OSBPL3: variants seen among roughly 807,000 people sequenced by gnomAD.
OSBPL3 encodes the protein oxysterol-binding protein-related protein 3.
In OSBPL3, 65 loss-of-function variants were observed where a neutral mutation model predicts 120.1. The ratio of observed to expected loss-of-function variants is 0.54; its 90% CI spans 0.44 to 0.67. The LOEUF (loss-of-function observed/expected upper bound fraction) is 0.67, where lower values mean the gene tolerates loss of function less well. Ranked by LOEUF, OSBPL3 falls within the 30% of genes least tolerant of loss-of-function variation. OSBPL3 has a pLI of 0.00. For synonymous variants in OSBPL3, 416 were observed against 402.6 expected (o/e 1.03, Z -0.40); for missense variants, 1,004 against 1,082.1 (o/e 0.93, Z 1.01).
rs1052469153 is a variant in OSBPL3 at position 24,937,287 on chromosome 7, C to G, written c.-150+42599G>C. On this transcript the variant is annotated intron_variant, in intron 1 of 22. Transcript: ENST00000313367. This position sits in a 1 kb window ranked among gnomAD's most constrained non-coding sequence, Gnocchi z 4.0. Reference sequence around the variant, plus strand: ...CTCCCACCAGGTCCCTCCCACAACACGTGGGGATTATGGGAACTACAATTC... The same window carrying G: ...CTCCCACCAGGTCCCTCCCACAACAGGTGGGGATTATGGGAACTACAATTC... Among the ~76,000 whole-genome samples the G allele has an allele frequency of 6.6e-6, 1 of 152,168 alleles. No homozygotes were observed. Among genetic ancestry groups the G allele is most frequent in the Non-Finnish European group, 1.5e-5 (1 of 68,024 alleles).
intron 1 of OSBPL3, among the ~76,000 whole-genome samples, chr7:24,925,266 G>A (rs945609038): frequency 2.0e-5 from 3 of 152,174 alleles, no homozygotes; most frequent in African/African-American, 7.2e-5. Flanking sequence ...TGTAGAGGGT[G>A]GGTGGTTAGC....
At chr7:24,840,919 T>C (rs1213717637) in intron 13 of OSBPL3, 136 bp from the exon 14 acceptor site, 2 of 530,720 alleles carry the variant, frequency 3.8e-6, no homozygotes, top group Non-Finnish European at 6.5e-6. Flanking sequence ...TTCATAAAGG[T>C]CCATATACCA....
intron 5 of OSBPL3, among the ~76,000 whole-genome samples, chr7:24,869,965 T>G (rs1431792128): frequency 6.6e-6 from 1 of 152,198 alleles, no homozygotes; most frequent in Non-Finnish European, 1.5e-5. Flanking sequence ...AACATTTGGG[T>G]ACCATCCAAC....
rs1233355430 is a variant in OSBPL3, at chr7:24,932,335, G to A, written c.-149-39714C>T. ...CAAGTTTCAAGCTGTGCGCCCAGGG[G>A]TCTGAGATAGGTTAGAATGCAAGAG... On this transcript the variant is annotated intron_variant, in intron 1 of 22. Coordinates refer to ENST00000313367, the MANE Select transcript of OSBPL3 (RefSeq NM_015550.4). This position sits in a 1 kb window ranked among gnomAD's most constrained non-coding sequence, Gnocchi z 5.6. Among the ~76,000 whole-genome samples the A allele has an allele frequency of 6.6e-6, 1 of 152,120 alleles. No homozygotes were observed.
At chr7:24,974,247 C>G (rs1817334063) in intron 1 of OSBPL3, among the ~76,000 whole-genome samples, 1 of 152,174 alleles carries the variant, frequency 6.6e-6, no homozygotes, top group Non-Finnish European at 1.5e-5. Flanking sequence ...GCCTTGTTTC[C>G]TCTGTACTCC....
chr7:24,952,396 T>C lies in OSBPL3; in HGVS notation c.-150+27490A>G, dbSNP rs1814548183. On this transcript the variant is annotated intron_variant, in intron 1 of 22. Transcript: ENST00000313367. This position sits in a 1 kb window ranked among gnomAD's most constrained non-coding sequence, Gnocchi z 4.4. Reference sequence around the variant, plus strand: ...ACTAATCATATACCGGTTATCTAGGTCTCCTGACATTCAATACAATGCCCT... The same window carrying C: ...ACTAATCATATACCGGTTATCTAGGCCTCCTGACATTCAATACAATGCCCT... 6.6e-6 allele frequency among the ~76,000 whole-genome samples: 1 copy of C among 152,160 alleles called. No individual in the cohort carries two copies. The highest frequency in any genetic ancestry group is 2.1e-4 in the South Asian group (1 of 4,822).
In OSBPL3 at chr7:24,817,684, G is replaced by T. The variant is rs1037137329; in HGVS notation, c.1949-996C>A. ...CAGGAGTAGGAGAGAGGAGAAGCAA[G>T]GCGACAAGTTAAGAGGCTACTGCAA... On this transcript the variant is annotated intron_variant, in intron 17 of 22. Transcript: ENST00000313367. The surrounding 1 kb of genome is among the most constrained non-coding windows in gnomAD (Gnocchi z 4.0). Among the ~76,000 whole-genome samples the T allele has an allele frequency of 3.9e-5, 6 of 152,146 alleles. No individual in the cohort carries two copies. Among genetic ancestry groups the T allele is most frequent in the African/African-American group, 1.4e-4 (6 of 41,416 alleles).
At chr7:24,917,428 T>TATATATATATATATATATATATA (rs1562924930) in intron 1 of OSBPL3, among the ~76,000 whole-genome samples, 2 of 92,262 alleles carry the variant, frequency 2.2e-5, no homozygotes, top group African/African-American at 3.9e-5. Context: ...ATATATATAT[T>TATATATATATATATATATATATA]TGTAACATAT....
rs142530893 is a variant in OSBPL3, at chr7:24,804,506, A to T, written c.2445-69T>A. The T allele has an allele frequency of 9.2e-5, 135 of 1,460,024 alleles. No individual in the cohort carries two copies. The African/African-American group carries it at 1.8e-3, about 19-fold the overall frequency. 90.4% of individuals were successfully genotyped at this position (1,460,024 alleles called of 1,614,324 possible). A position where few individuals can be genotyped will look rare whatever the true frequency, so the allele number is the denominator to read the frequency against. On this transcript the variant is annotated intron_variant, in intron 21 of 22. Transcript: ENST00000313367. This position sits in a 1 kb window ranked among gnomAD's most constrained non-coding sequence, Gnocchi z 5.4. ...AAAACAAAACAATCATTACTACTCAACTTGCATGTGTCCACGACTGGATAT... is the reference window on the plus strand; with the variant it reads ...AAAACAAAACAATCATTACTACTCATCTTGCATGTGTCCACGACTGGATAT...
Position 24,871,888 on chromosome 7 carries a change from T to C in OSBPL3, c.213+65A>G. Reference sequence around the variant, plus strand: ...CAACTAGAAATTAAATATGAGTACCTAAGAACCAGGTGCTGAGTGGGGCAG... The same window carrying C: ...CAACTAGAAATTAAATATGAGTACCCAAGAACCAGGTGCTGAGTGGGGCAG... On this transcript the variant is annotated intron_variant, in intron 3 of 22. Transcript: ENST00000313367. This position sits in a 1 kb window ranked among gnomAD's most constrained non-coding sequence, Gnocchi z 4.8. The C allele has an allele frequency of 6.8e-7, 1 of 1,472,444 alleles. No individual in the cohort carries two copies. The highest frequency in any genetic ancestry group is 9.5e-7 in the Non-Finnish European group (1 of 1,051,270). The allele number at this position is 1,472,444 out of a possible 1,614,324, so 91.2% of individuals were successfully genotyped here. A position where few individuals can be genotyped will look rare whatever the true frequency, so the allele number is the denominator to read the frequency against.
chr7:24,838,255 G>A (rs191968954), intron 14 of OSBPL3, among the ~76,000 whole-genome samples: 4 of 152,276 alleles, frequency 2.6e-5, no homozygotes, highest in East Asian at 3.9e-4. Context: ...CAGCAATTTC[G>A]GAGGCTGAGG....
Position 24,980,116 on chromosome 7 carries a change from C to T in OSBPL3, c.-380G>A, listed in dbSNP as rs990669018. ...CGCGAAGCGCTCAAGTCCCCTCTCC[C>T]GGGCCGGCTGGCGGGCGCCACCAGC... On this transcript the variant is annotated 5_prime_UTR_variant, in exon 1 of 23. Coordinates refer to ENST00000313367, the MANE Select transcript of OSBPL3 (RefSeq NM_015550.4). 2.8e-5 allele frequency: 26 copies of T among 927,114 alleles called. No homozygotes were observed. The highest frequency in any genetic ancestry group is 9.9e-5 in the South Asian group (2 of 20,108). The allele number at this position is 927,114 out of a possible 1,614,324, so 57.4% of individuals were successfully genotyped here.
intron 14 of OSBPL3, among the ~76,000 whole-genome samples, chr7:24,838,414 T>C (rs1199234046): frequency 1.3e-5 from 2 of 152,180 alleles, no homozygotes; most frequent in Non-Finnish European, 2.9e-5. Flanking sequence ...GAGAATTGCT[T>C]GAACCCAGGA....
Position 24,831,981 on chromosome 7 carries a change from C to T in OSBPL3, c.1747-1076G>A, listed in dbSNP as rs1796423836. Among the ~76,000 whole-genome samples, 1 of 151,980 alleles carries T rather than the reference C, an allele frequency of 6.6e-6. No individual in the cohort carries two copies. The highest frequency in any genetic ancestry group is 2.1e-4 in the South Asian group (1 of 4,820). ...CTTTGGGAGACCGAGGCAGGTGGAT[C>T]TGCTTGAGCCCAAGAGTTCAAGACC... On this transcript the variant is annotated intron_variant, in intron 15 of 22. Transcript: ENST00000313367. The surrounding 1 kb of genome is among the most constrained non-coding windows in gnomAD (Gnocchi z 4.0).
intron 1 of OSBPL3, among the ~76,000 whole-genome samples, chr7:24,919,842 C>A (rs1810169721): frequency 6.6e-6 from 1 of 150,996 alleles, no homozygotes; most frequent in Admixed American, 6.6e-5. Flanking sequence ...TTTAAACAGG[C>A]ATATAACTAC....
At position 24,822,047 on chromosome 7, in the gene OSBPL3, C is replaced by T. The variant is rs968757912; in HGVS notation, c.1885-1809G>A. 6.6e-6 allele frequency among the ~76,000 whole-genome samples: 1 copy of T among 151,864 alleles called. No individual in the cohort carries two copies. Among genetic ancestry groups the T allele is most frequent in the African/African-American group, 2.4e-5 (1 of 41,358 alleles). ...TGCCACCACGCCCGGCTAATTTTTT[C>T]ACTTTTTGTAGGGATGGGGTCATGC... On this transcript the variant is annotated intron_variant, in intron 16 of 22. Transcript: ENST00000313367. The surrounding 1 kb of genome is among the most constrained non-coding windows in gnomAD (Gnocchi z 5.8).
chr7:24,872,146 CA>C lies in OSBPL3; in HGVS notation c.97-78del. ...AATGGTAAAAAGCACTGCATCCTGT[CA>C]GTAAATTTATTCAAGATGGGGAGGC... is the stretch of plus-strand genomic sequence containing the variant. On this transcript the variant is annotated intron_variant, in intron 2 of 22. Coordinates refer to ENST00000313367, the MANE Select transcript of OSBPL3 (RefSeq NM_015550.4). This position sits in a 1 kb window ranked among gnomAD's most constrained non-coding sequence, Gnocchi z 4.1. 1 of 1,032,062 alleles carries C rather than the reference CA, an allele frequency of 9.7e-7. No individual in the cohort carries two copies. The highest frequency in any genetic ancestry group is 1.5e-6 in the Non-Finnish European group (1 of 660,732). The allele number at this position is 1,032,062 out of a possible 1,614,324, so 63.9% of individuals were successfully genotyped here.
intron 1 of OSBPL3, among the ~76,000 whole-genome samples, chr7:24,893,527 C>A (rs1805663659): frequency 6.6e-6 from 1 of 152,106 alleles, no homozygotes; most frequent in African/African-American, 2.4e-5. Context: ...TATTCTGGAA[C>A]TAGGCTGGGC....
At position 24,820,244 on chromosome 7, in the gene OSBPL3, G is replaced by C. The variant is rs1562773836; in HGVS notation, c.1885-6C>G. 1.2e-6 allele frequency: 2 copies of C among 1,608,254 alleles called. No homozygotes were observed. The highest frequency in any genetic ancestry group is 1.7e-6 in the Non-Finnish European group (2 of 1,176,048). ...ATAGGCGGATGGTGGCTGACCTGAT[G>C]GAAACAAAGGACAGAAAAACAAAAA... On this transcript the variant is annotated splice_region_variant and splice_polypyrimidine_tract_variant and intron_variant, in intron 16 of 22. Coordinates refer to ENST00000313367, the MANE Select transcript of OSBPL3 (RefSeq NM_015550.4). The surrounding 1 kb of genome is among the most constrained non-coding windows in gnomAD (Gnocchi z 4.6).
Sources: gnomAD v4.1 joint callset for allele counts (sites outside exome capture counted in the v4.1 genomes callset) on GRCh38, gnomAD v4.1.1 for gene constraint, Gnocchi (gnomAD v3.1) non-coding constraint, MANE v1.5 for transcripts, NCBI Gene and HGNC (gene_info 2026-07-23, HGNC 2026-07-21) for gene names.